The following SRGAP3 variants were observed in gnomAD, a reference collection of about 807,000 sequenced individuals.
SRGAP3 encodes the protein SLIT-ROBO Rho GTPase activating protein 3.
A neutral mutation model predicts 121.1 loss-of-function variants in SRGAP3; 39 were observed. The observed-to-expected ratio is 0.32, with a 90% confidence interval of 0.25 to 0.42. SRGAP3 has a LOEUF of 0.42. SRGAP3 is among the 10% of genes least tolerant of loss of function. The pLI is 1.00. For missense variants in SRGAP3, 1,213 were observed against 1,470.6 expected (o/e 0.82, Z 2.86); for synonymous variants, 601 against 570.0 (o/e 1.05, Z -0.77).
chr3:9,226,481 TG>T (rs1952992307), intron 1 of SRGAP3, among the ~76,000 whole-genome samples: 1 of 152,206 alleles, frequency 6.6e-6, no homozygotes, highest in Non-Finnish European at 1.5e-5. Context: ...ACTGCCTGCC[TG>T]TTCCTTCAAG....
rs1945388463 is a variant in SRGAP3, at chr3:9,048,314, G to A, written c.1324-839C>T. Among the ~76,000 whole-genome samples the A allele has an allele frequency of 3.3e-5, 5 of 152,366 alleles. No homozygotes were observed. The South Asian group carries it at 1.0e-3, about 32-fold the overall frequency. On this transcript the variant is annotated intron_variant, in intron 9 of 21. Coordinates refer to ENST00000383836, the MANE Select transcript of SRGAP3 (RefSeq NM_014850.4). ...GAGCCCCACTGGGCATGCCTCTGCTGCATGGCCAGCTGCTAGAGGGTGGGC... is the reference window on the plus strand; with the variant it reads ...GAGCCCCACTGGGCATGCCTCTGCTACATGGCCAGCTGCTAGAGGGTGGGC...
chr3:9,216,896 TAA>T (rs1952655945), intron 1 of SRGAP3: 2 of 152,150 alleles, frequency 1.3e-5, no homozygotes, highest in African/African-American at 4.8e-5. Context: ...TTACGCTAAC[TAA>T]ACTACAGCAG....
chr3:9,083,958 G>A (rs879912185), intron 3 of SRGAP3, among the ~76,000 whole-genome samples: 6 of 152,098 alleles, frequency 3.9e-5, no homozygotes, highest in Non-Finnish European at 7.4e-5. Context: ...AAAACAGTAT[G>A]GTCTAGATGT....
chr3:9,077,163 C>T (rs1286347031), intron 4 of SRGAP3, among the ~76,000 whole-genome samples: 1 of 148,580 alleles, frequency 6.7e-6, no homozygotes, highest in Non-Finnish European at 1.5e-5. Flanking sequence ...ACACACTACT[C>T]TTATCTCTCT....
intron 3 of SRGAP3, among the ~76,000 whole-genome samples, chr3:9,315,301 T>C (rs1217670627): frequency 6.6e-6 from 1 of 152,116 alleles, no homozygotes; most frequent in East Asian, 1.9e-4. Context: ...CTCCCACCAA[T>C]CCCAGAAAAG....
rs2125093467 is a variant in SRGAP3 at position 9,032,902 on chromosome 3, C to T, written c.1437-150G>A. 7 of 715,688 alleles carry T rather than the reference C, an allele frequency of 9.8e-6. No homozygotes were observed. The Middle Eastern group carries it at 1.6e-3, about 167-fold the overall frequency. 44.3% of individuals were successfully genotyped at this position (715,688 alleles called of 1,614,324 possible). ...CGCCAAGACATTGGTTTCCAATGTT[C>T]CATCTGAAGGCCTTTGGATGTTTTA... On this transcript the variant is annotated intron_variant, in intron 11 of 21. Transcript: ENST00000383836.
At chr3:9,010,409 G>A in intron 17 of SRGAP3, 22 bp from the exon 18 acceptor site, 4 of 1,613,712 alleles carry the variant, frequency 2.5e-6, no homozygotes, top group Non-Finnish European at 3.4e-6. Flanking sequence ...CACGGGAATG[G>A]GACTCACTGC....
chr3:9,025,422 C>A (rs1944144338), intron 13 of SRGAP3, 84 bp from the exon 14 acceptor site: 1 of 1,377,880 alleles, frequency 7.3e-7, no homozygotes, highest in African/African-American at 1.4e-5. Flanking sequence ...CAGTGACTCT[C>A]CCCATTGCTT....
chr3:9,220,671 CA>C (rs770938511), intron 1 of SRGAP3, among the ~76,000 whole-genome samples: 5 of 152,164 alleles, frequency 3.3e-5, no homozygotes, highest in Non-Finnish European at 5.9e-5. Flanking sequence ...TCTTTGTCCC[CA>C]AATCTCAGGC....
At position 9,275,653 on chromosome 3, in the gene SRGAP3, T is replaced by C. The variant is rs534280706; in HGVS notation, n.442+50357A>G. 1.2e-3 allele frequency among the ~76,000 whole-genome samples: 176 copies of C among 152,280 alleles called. 2 individuals are homozygous for C. Among genetic ancestry groups the C allele is most frequent in the Non-Finnish European group, 5.1e-4 (35 of 68,016 alleles). ...GTGATGGTTTTATAAGGGGTTTCTT[T>C]CCCCTTTCACTTGGCTCTCATTCTC... is the stretch of plus-strand genomic sequence containing the variant. On this transcript the variant is annotated intron_variant and non_coding_transcript_variant, in intron 3 of 3. Coordinates refer to the SRGAP3 transcript ENST00000490889.
chr3:9,361,738 G>C (rs2030853567), intron 1 of SRGAP3, among the ~76,000 whole-genome samples: 1 of 152,140 alleles, frequency 6.6e-6, no homozygotes, highest in African/African-American at 2.4e-5. Context: ...GCCTGATGCT[G>C]ACCCTCCCAT....
At chr3:8,987,316 G>C (rs1159978157) in intron 21 of SRGAP3, among the ~76,000 whole-genome samples, 1 of 152,200 alleles carries the variant, frequency 6.6e-6, no homozygotes. Flanking sequence ...TGGCCATCGA[G>C]GGCACCATGA....
intron 1 of SRGAP3, among the ~76,000 whole-genome samples, chr3:9,134,979 G>GT (rs1458037126): frequency 6.6e-6 from 1 of 152,170 alleles, no homozygotes; most frequent in African/African-American, 2.4e-5. Flanking sequence ...ACCTCATATT[G>GT]TTGTGAGAAT....
chr3:9,149,849 ACAGGCTCAAAC>A (rs1184215742), intron 1 of SRGAP3, among the ~76,000 whole-genome samples: 24 of 152,210 alleles, frequency 1.6e-4, no homozygotes, highest in Non-Finnish European at 2.9e-5. Flanking sequence ...GCAGTAGCTA[ACAGGCTCAAAC>A]CACCTAGCAC....
intron 3 of SRGAP3, among the ~76,000 whole-genome samples, chr3:9,289,592 G>A (rs976587506): frequency 1.3e-5 from 2 of 151,950 alleles, no homozygotes; most frequent in African/African-American, 4.8e-5. Flanking sequence ...TTTTGGGGGG[G>A]CCCTACAACC....
At chr3:9,241,436 G>A (rs1330361422) in intron 1 of SRGAP3, among the ~76,000 whole-genome samples, 1 of 152,148 alleles carries the variant, frequency 6.6e-6, no homozygotes, top group African/African-American at 2.4e-5. Context: ...AGACTGGGAG[G>A]GGCCTGGAAG....
intron 1 of SRGAP3, among the ~76,000 whole-genome samples, chr3:9,229,841 T>C (rs567274777): frequency 6.6e-6 from 1 of 152,380 alleles, no homozygotes; most frequent in African/African-American, 2.4e-5. Flanking sequence ...CATCCCCTCC[T>C]GCTAAGCGCT....
At chr3:9,266,627 C>T (rs556194848) in intron 3 of SRGAP3, among the ~76,000 whole-genome samples, 9 of 151,532 alleles carry the variant, frequency 5.9e-5, no homozygotes, top group South Asian at 2.1e-4. Flanking sequence ...TCCTTCCATC[C>T]GGTTTTTTTG....
At chr3:9,071,638 A>AGGTGGATGGATG (rs1946722243) in intron 4 of SRGAP3, among the ~76,000 whole-genome samples, 1 of 134,082 alleles carries the variant, frequency 7.5e-6, no homozygotes, top group Non-Finnish European at 1.6e-5. Context: ...TGATTCTCAA[A>AGGTGGATGGATG]GGTGGATGGA....
Sources: gnomAD v4.1 joint callset for allele counts (sites outside exome capture counted in the v4.1 genomes callset) on GRCh38, gnomAD v4.1.1 for gene constraint, MANE v1.5 for transcripts, NCBI Gene and HGNC (gene_info 2026-07-23, HGNC 2026-07-21) for gene names.